ERCC6L2: variants seen among roughly 807,000 people sequenced by gnomAD.
ERCC6L2 encodes ERCC excision repair 6 like 2, also known as DNA excision repair protein ERCC-6-like 2.
Under a neutral mutation model 132.0 loss-of-function variants are expected in ERCC6L2, and 77 were observed. That is an observed-to-expected ratio of 0.58 (90% CI 0.49 to 0.71). The LOEUF is 0.71. Among genes scored for constraint, ERCC6L2 ranks in the 30% least tolerant of loss-of-function variants. The pLI, the probability that ERCC6L2 is intolerant of heterozygous loss-of-function variation, is 0.00. For missense variants in ERCC6L2, 1,542 were observed against 1,837.6 expected, an observed-to-expected ratio of 0.84 and a Z score of 2.94; for synonymous variants, 583 against 632.4, an observed-to-expected ratio of 0.92 and a Z score of 1.17.
chr9:95,949,114 TCAAC>T (rs1185648762), intron 12 of ERCC6L2, among the ~76,000 whole-genome samples: 2 of 151,968 alleles, frequency 1.3e-5, no homozygotes, highest in African/African-American at 2.4e-5. Context: ...CTAGAGGAGT[TCAAC>T]AGCAGACCAA....
At chr9:95,945,970 A>G (rs866602147) in intron 12 of ERCC6L2, among the ~76,000 whole-genome samples, 1 of 152,288 alleles carries the variant, frequency 6.6e-6, no homozygotes, top group South Asian at 2.1e-4. Flanking sequence ...TGAAACATAT[A>G]TGTAAATAAA....
intron 1 of ERCC6L2, among the ~76,000 whole-genome samples, chr9:95,880,484 G>T (rs1827531164): frequency 1.3e-5 from 2 of 152,058 alleles, no homozygotes; most frequent in African/African-American, 4.8e-5. Context: ...CTCAACCCTG[G>T]CTGTGCGTCA....
intron 17 of ERCC6L2, among the ~76,000 whole-genome samples, chr9:96,002,664 C>T (rs1833729622): frequency 6.6e-6 from 1 of 152,060 alleles, no homozygotes; most frequent in African/African-American, 2.4e-5. Flanking sequence ...AAATCCTGGG[C>T]TAAAAGTAAT....
At chr9:95,985,361 G>T (rs1833057586) in intron 17 of ERCC6L2, among the ~76,000 whole-genome samples, 1 of 152,160 alleles carries the variant, frequency 6.6e-6, no homozygotes, top group Non-Finnish European at 1.5e-5. Flanking sequence ...ACTGCGTGAG[G>T]CCAGTCCCTA....
In ERCC6L2 at chr9:96,012,252, T is replaced by C. The variant is rs888027280; in HGVS notation, c.3702T>C (p.Tyr1234=). ...AACAATTTGAAGAAATGGCCTCTTA[T>C]TTTAACTCGTCTTCTGTAAACGAAT... ...RRKQFEEMAS[Y]FNSSSVNEFA... is the part of the protein sequence containing the mutation. Residue 1234 remains tyrosine (Y), a synonymous_variant, in exon 19 of 19, where the codon TAT becomes TAC. Coordinates refer to ENST00000653738, the MANE Select transcript of ERCC6L2 (RefSeq NM_020207.7). 1.6e-6 allele frequency: 2 copies of C among 1,280,342 alleles called. No homozygotes were observed. The highest frequency in any genetic ancestry group is 1.5e-5 in the African/African-American group (1 of 64,750). The allele number at this position is 1,280,342 out of a possible 1,614,324, so 79.3% of individuals were successfully genotyped here. A position where few individuals can be genotyped will look rare whatever the true frequency, so the allele number is the denominator to read the frequency against.
intron 17 of ERCC6L2, among the ~76,000 whole-genome samples, chr9:96,002,363 T>C (rs1833716501): frequency 6.6e-6 from 1 of 152,078 alleles, no homozygotes. Flanking sequence ...GTTGAAGATA[T>C]CCCATTTTCT....
intron 17 of ERCC6L2, among the ~76,000 whole-genome samples, chr9:95,983,793 A>T (rs1215120735): frequency 6.6e-6 from 1 of 152,080 alleles, no homozygotes; most frequent in Non-Finnish European, 1.5e-5. Flanking sequence ...CAAACATCTC[A>T]TTTTCCTAAA....
Position 95,921,287 on chromosome 9 carries a change from G to A in ERCC6L2, c.1271G>A (p.Gly424Asp). 6.2e-7 allele frequency: 1 copy of A among 1,610,522 alleles called. No individual in the cohort carries two copies. The change falls in exon 7 of 19, where the codon GGC (glycine) becomes GAC (aspartate). Residue 424 changes from glycine (G) to aspartate (D), a missense_variant. Gly to Asp is a moderately conservative substitution (Grantham distance 94). Transcript: ENST00000653738. Reference sequence around the variant, plus strand: ...TCTGAGCCTTGTACCTGTAGGAGTGGCCAAAAAAGGAGAAATTGTTGTTAT... The same window carrying A: ...TCTGAGCCTTGTACCTGTAGGAGTGACCAAAAAAGGAGAAATTGTTGTTAT... ...QSSEPCTCRS[G>D]QKRRNCCYKT...
chr9:95,938,188 A>G (rs138848356), intron 11 of ERCC6L2, among the ~76,000 whole-genome samples: 1 of 151,962 alleles, frequency 6.6e-6, no homozygotes, highest in African/African-American at 2.4e-5. Context: ...TAGAGAACAT[A>G]CTCAGTATAA....
intron 2 of ERCC6L2, among the ~76,000 whole-genome samples, chr9:95,895,962 G>A (rs1443938988): frequency 1.3e-5 from 2 of 152,068 alleles, no homozygotes; most frequent in African/African-American, 2.4e-5. Flanking sequence ...TCCTGACCTC[G>A]TGATCCACCC....
chr9:96,026,583 A>G (rs1834367808), intron 19 of ERCC6L2, among the ~76,000 whole-genome samples: 1 of 151,486 alleles, frequency 6.6e-6, no homozygotes. Flanking sequence ...CACCGCATAC[A>G]CACCGCACCA....
intron 17 of ERCC6L2, among the ~76,000 whole-genome samples, chr9:95,998,654 GA>G (rs936448700): frequency 2.4e-4 from 36 of 152,324 alleles, no homozygotes; most frequent in African/African-American, 8.2e-4. Flanking sequence ...CCAGGAGCTG[GA>G]AAAGCAAAGA....
rs762043651 is a variant in ERCC6L2 at position 96,013,225 on chromosome 9, C to T, written c.*22C>T. 18 of 1,329,158 alleles carry T rather than the reference C, an allele frequency of 1.4e-5. No homozygotes were observed. Among genetic ancestry groups the T allele is most frequent in the Non-Finnish European group, 1.7e-5 (17 of 1,005,448 alleles). The allele number at this position is 1,329,158 out of a possible 1,614,324, so 82.3% of individuals were successfully genotyped here. Reference sequence around the variant, plus strand: ...ATAAGCATATAAATGAATTACTGCACCAGTAAACTGCTGCCATCACTGTTT... The same window carrying T: ...ATAAGCATATAAATGAATTACTGCATCAGTAAACTGCTGCCATCACTGTTT... On this transcript the variant is annotated 3_prime_UTR_variant, in exon 19 of 19. Coordinates refer to ENST00000653738, the MANE Select transcript of ERCC6L2 (RefSeq NM_020207.7).
At chr9:95,964,631 C>A (rs1832069371) in intron 13 of ERCC6L2, among the ~76,000 whole-genome samples, 2 of 152,154 alleles carry the variant, frequency 1.3e-5, no homozygotes, top group African/African-American at 4.8e-5. Context: ...TTCTTAACAT[C>A]ATAAATGTTC....
At chr9:96,031,821 G>A (rs1342369665) in intron 19 of ERCC6L2, among the ~76,000 whole-genome samples, 2 of 152,144 alleles carry the variant, frequency 1.3e-5, no homozygotes, top group South Asian at 2.1e-4. Context: ...TGACCCTACC[G>A]CCACAGGCCT....
chr9:95,887,199 G>A (rs563954850), intron 2 of ERCC6L2, among the ~76,000 whole-genome samples: 94 of 152,030 alleles, frequency 6.2e-4, no homozygotes, highest in Middle Eastern at 6.8e-3. Context: ...AAGTGGGTTG[G>A]GGGGGAGAAA....
At chr9:95,915,571 A>G in intron 4 of ERCC6L2, 97 bp from the exon 5 acceptor site, 2 of 1,300,128 alleles carry the variant, frequency 1.5e-6, no homozygotes, top group Non-Finnish European at 2.1e-6. Context: ...GGAAAAAATA[A>G]TTCCAAAACT....
intron 9 of ERCC6L2, among the ~76,000 whole-genome samples, chr9:95,924,038 T>C (rs942217213): frequency 3.9e-5 from 6 of 152,208 alleles, no homozygotes; most frequent in Non-Finnish European, 8.8e-5. Context: ...CCTGCCTCCT[T>C]GCAACAACAG....
At chr9:95,908,007 C>G (rs952148886) in intron 4 of ERCC6L2, among the ~76,000 whole-genome samples, 4 of 151,960 alleles carry the variant, frequency 2.6e-5, no homozygotes, top group Non-Finnish European at 5.9e-5. Context: ...TAGAGTGCCC[C>G]CTACAGTGTT....
Sources: allele counts gnomAD v4.1 joint callset (sites outside exome capture counted in the v4.1 genomes callset), GRCh38; gene constraint gnomAD v4.1.1; transcripts MANE v1.5; gene names NCBI Gene and HGNC (gene_info 2026-07-23, HGNC 2026-07-21).